ABTB3: variants seen among roughly 807,000 people sequenced by gnomAD.
ABTB3 encodes ankyrin repeat- and BTB/POZ domain-containing protein 3.
chr12:107,429,744 G>T, the ABTB3 span, among the ~76,000 whole-genome samples: 1 of 152,196 alleles, frequency 6.6e-6, no homozygotes. Context: ...TGGTCCAAAT[G>T]AGCCATAATA....
the ABTB3 span, among the ~76,000 whole-genome samples, chr12:107,633,684 C>T: frequency 1.2e-4 from 18 of 152,154 alleles, no homozygotes; most frequent in Non-Finnish European, 1.9e-4. Flanking sequence ...CTATGGAGCA[C>T]GTTTTGGGTG....
the ABTB3 span, among the ~76,000 whole-genome samples, chr12:107,376,787 C>T: frequency 6.6e-6 from 1 of 152,004 alleles, no homozygotes; most frequent in Admixed American, 6.5e-5. Context: ...TACTATATGC[C>T]AGGTACACAT....
At chr12:107,340,732 A>C in the ABTB3 span, among the ~76,000 whole-genome samples, 1 of 152,214 alleles carries the variant, frequency 6.6e-6, no homozygotes, top group Non-Finnish European at 1.5e-5. Flanking sequence ...GGCAGGAACA[A>C]ACAAAGAAAC....
chr12:107,651,707 G>A, the ABTB3 span: 1 of 1,614,162 alleles, frequency 6.2e-7, no homozygotes, highest in Non-Finnish European at 8.5e-7. Flanking sequence ...CCAGCTGGAG[G>A]CTTTGCAGCG....
At chr12:107,363,457 A>T in the ABTB3 span, among the ~76,000 whole-genome samples, 1 of 152,372 alleles carries the variant, frequency 6.6e-6, no homozygotes, top group East Asian at 1.9e-4. Flanking sequence ...ATTTTTGATT[A>T]GAAAGAAAAC....
the ABTB3 span, among the ~76,000 whole-genome samples, chr12:107,390,365 G>T: frequency 6.6e-6 from 1 of 152,260 alleles, no homozygotes; most frequent in African/African-American, 2.4e-5. Context: ...CACCTAGCCT[G>T]TGAGTGAGGG....
the ABTB3 span, among the ~76,000 whole-genome samples, chr12:107,399,859 C>T: frequency 6.6e-6 from 1 of 152,002 alleles, no homozygotes; most frequent in Non-Finnish European, 1.5e-5. Context: ...CCCGACAGGC[C>T]CCAGTGTCTG....
At chr12:107,583,189 A>G in the ABTB3 span, among the ~76,000 whole-genome samples, 1 of 152,224 alleles carries the variant, frequency 6.6e-6, no homozygotes, top group Non-Finnish European at 1.5e-5. Flanking sequence ...ATGAACGTGC[A>G]GTATCCATTC....
chr12:107,645,202 G>A, the ABTB3 span, among the ~76,000 whole-genome samples: 2 of 152,058 alleles, frequency 1.3e-5, no homozygotes, highest in African/African-American at 2.4e-5. Context: ...CCTGACCTCA[G>A]GTGATCCGCC....
At chr12:107,362,237 G>A in the ABTB3 span, among the ~76,000 whole-genome samples, 1 of 152,206 alleles carries the variant, frequency 6.6e-6, no homozygotes, top group Non-Finnish European at 1.5e-5. Flanking sequence ...CTAGGAAACT[G>A]CAGACCTCAA....
the ABTB3 span, among the ~76,000 whole-genome samples, chr12:107,509,590 T>C: frequency 6.6e-6 from 1 of 152,188 alleles, no homozygotes; most frequent in Non-Finnish European, 1.5e-5. Flanking sequence ...GGGGTCCCAC[T>C]GTGCAGCACA....
At chr12:107,343,687 A>T in the ABTB3 span, among the ~76,000 whole-genome samples, 2 of 152,170 alleles carry the variant, frequency 1.3e-5, no homozygotes, top group Non-Finnish European at 2.9e-5. Context: ...GACATATATA[A>T]AGGAAAGAGG....
At chr12:107,513,510 G>T in the ABTB3 span, among the ~76,000 whole-genome samples, 1 of 152,162 alleles carries the variant, frequency 6.6e-6, no homozygotes, top group Non-Finnish European at 1.5e-5. Context: ...TGAAGAAGGT[G>T]CCTGCTTCTC....
chr12:107,477,644 GATTCT>G, the ABTB3 span, among the ~76,000 whole-genome samples: 2 of 152,062 alleles, frequency 1.3e-5, no homozygotes, highest in African/African-American at 4.8e-5. Flanking sequence ...GTATTGATTT[GATTCT>G]ATTCTATTTT....
the ABTB3 span, among the ~76,000 whole-genome samples, chr12:107,354,121 A>G: frequency 2.6e-5 from 4 of 152,112 alleles, no homozygotes; most frequent in South Asian, 4.1e-4. Context: ...TAGTTCCACA[A>G]CCTTCCCCCA....
chr12:107,554,075 G>T, the ABTB3 span, among the ~76,000 whole-genome samples: 11 of 152,158 alleles, frequency 7.2e-5, no homozygotes, highest in Admixed American at 7.2e-4. Context: ...TTTGATGAGC[G>T]TCTACTATGT....
chr12:107,434,220 G>A, the ABTB3 span, among the ~76,000 whole-genome samples: 6 of 152,152 alleles, frequency 3.9e-5, no homozygotes, highest in East Asian at 1.9e-4. Context: ...AAGACAGCTG[G>A]GATATGTATA....
chr12:107,321,243 C>A, the ABTB3 span, among the ~76,000 whole-genome samples: 14 of 152,164 alleles, frequency 9.2e-5, no homozygotes, highest in African/African-American at 3.1e-4. Flanking sequence ...TTCCCGGGGG[C>A]TGGAGGAGCA....
chr12:107,377,388 TGAGAGAGA>T, the ABTB3 span, among the ~76,000 whole-genome samples: 2 of 140,454 alleles, frequency 1.4e-5, no homozygotes, highest in South Asian at 2.4e-4. Flanking sequence ...AACACTTCCT[TGAGAGAGA>T]GAGAGAGAGA....
Sources: allele counts gnomAD v4.1 joint callset (sites outside exome capture counted in the v4.1 genomes callset), GRCh38; gene constraint gnomAD v4.1.1; transcripts MANE v1.5; gene names NCBI Gene and HGNC (gene_info 2026-07-23, HGNC 2026-07-21).